The following GRID1 variants were observed in gnomAD, a reference collection of about 807,000 sequenced individuals.
GRID1 encodes the protein glutamate ionotropic receptor delta type subunit 1.
GRID1 carries 28 observed loss-of-function variants against 98.0 expected under a neutral mutation model. That is an observed-to-expected ratio of 0.29 (90% CI 0.21 to 0.39). The LOEUF (loss-of-function observed/expected upper bound fraction) is 0.39, where lower values mean the gene tolerates loss of function less well. Among genes scored for constraint, GRID1 ranks in the 10% least tolerant of loss-of-function variants. The probability of loss-of-function intolerance (pLI) is 1.00; values close to 1 mark genes in which losing one functional copy is unlikely to be tolerated. For missense variants in GRID1, 1,111 were observed against 1,340.5 expected, an observed-to-expected ratio of 0.83 and a Z score of 2.67; for synonymous variants, 553 against 538.5, an observed-to-expected ratio of 1.03 and a Z score of -0.37.
chr10:86,187,740 T>C (rs900371269), intron 3 of GRID1, among the ~76,000 whole-genome samples: 1 of 152,210 alleles, frequency 6.6e-6, no homozygotes, highest in Non-Finnish European at 1.5e-5. Flanking sequence ...CAGAGCTGAT[T>C]TGCACATGGA....
chr10:86,206,128 T>C lies in GRID1; in HGVS notation c.520+236A>G, dbSNP rs918548064. ...TATTTTATTGAAACCTCTAAGATGA[T>C]TCAAACTTCAGCCGTCATGATAAGG... On this transcript the variant is annotated intron_variant, in intron 3 of 15. Coordinates refer to ENST00000327946, the MANE Select transcript of GRID1 (RefSeq NM_017551.3). The surrounding 1 kb of genome is among the most constrained non-coding windows in gnomAD (Gnocchi z 4.1). Among the ~76,000 whole-genome samples, 2 of 152,204 alleles carry C rather than the reference T, an allele frequency of 1.3e-5. No individual in the cohort carries two copies. Among genetic ancestry groups the C allele is most frequent in the African/African-American group, 4.8e-5 (2 of 41,454 alleles).
At chr10:86,065,633 T>G (rs1276267282) in intron 4 of GRID1, among the ~76,000 whole-genome samples, 1 of 152,214 alleles carries the variant, frequency 6.6e-6, no homozygotes, top group Non-Finnish European at 1.5e-5. Context: ...GCCAGGCCCT[T>G]AGTCAGGGCT....
At chr10:86,341,116 G>A (rs1487379424) in intron 2 of GRID1, among the ~76,000 whole-genome samples, 5 of 152,188 alleles carry the variant, frequency 3.3e-5, no homozygotes, top group Middle Eastern at 3.4e-3. Context: ...GGCCTCTGGC[G>A]TTTGCATATG....
intron 3 of GRID1, among the ~76,000 whole-genome samples, chr10:86,150,871 A>G (rs1845158225): frequency 1.3e-5 from 2 of 152,170 alleles, no homozygotes; most frequent in Admixed American, 1.3e-4. Context: ...TGCCCTCACA[A>G]GACGTCAGAT....
intron 4 of GRID1, among the ~76,000 whole-genome samples, chr10:85,950,115 T>C (rs926439580): frequency 1.3e-5 from 2 of 152,196 alleles, no homozygotes; most frequent in African/African-American, 4.8e-5. Flanking sequence ...TGATCTTAAA[T>C]GAACTTAAAT....
At chr10:85,708,403 CA>C (rs61626333) in intron 12 of GRID1, among the ~76,000 whole-genome samples, 10,944 of 110,480 alleles carry the variant, frequency 0.099, 768 homozygotes, top group African/African-American at 0.23. Flanking sequence ...GACTCTGTCT[CA>C]AAAAAAAAAA....
At chr10:86,342,192 G>T (rs1261851742) in intron 2 of GRID1, among the ~76,000 whole-genome samples, 1 of 152,122 alleles carries the variant, frequency 6.6e-6, no homozygotes, top group Non-Finnish European at 1.5e-5. Context: ...TCAGGAGCAG[G>T]GATGAGAGGG....
At chr10:86,313,109 C>A (rs1200042588) in intron 2 of GRID1, among the ~76,000 whole-genome samples, 1 of 152,146 alleles carries the variant, frequency 6.6e-6, no homozygotes, top group African/African-American at 2.4e-5. Flanking sequence ...GGGGGAGGAG[C>A]CTGGGCAAGA....
At chr10:85,786,697 T>C (rs935676374) in intron 8 of GRID1, among the ~76,000 whole-genome samples, 1 of 152,188 alleles carries the variant, frequency 6.6e-6, no homozygotes, top group African/African-American at 2.4e-5. Context: ...ATTATTGTTA[T>C]AGATTACAGT....
At chr10:85,769,499 G>A (rs1842233351) in intron 8 of GRID1, among the ~76,000 whole-genome samples, 1 of 152,206 alleles carries the variant, frequency 6.6e-6, no homozygotes, top group Admixed American at 6.5e-5. Context: ...AGCACACCAT[G>A]TGCGAGCCGA....
At chr10:86,021,523 A>G (rs979026062) in intron 4 of GRID1, among the ~76,000 whole-genome samples, 1 of 151,952 alleles carries the variant, frequency 6.6e-6, no homozygotes, top group Non-Finnish European at 1.5e-5. Context: ...GTTTTTTAAA[A>G]GGACTTCATT....
rs552977829 is a variant in GRID1, at chr10:86,169,230, G to C, written c.521-30206C>G. Among the ~76,000 whole-genome samples, 14 of 152,300 alleles carry C rather than the reference G, an allele frequency of 9.2e-5. No individual in the cohort carries two copies. The South Asian group carries it at 2.1e-3, about 23-fold the overall frequency. On this transcript the variant is annotated intron_variant, in intron 3 of 15. Transcript: ENST00000327946. ...GCCCTGAGATAGATAGGTGCCTTCC[G>C]GCAATGACCTTAGGCCAAACAGATA...
intron 2 of GRID1, among the ~76,000 whole-genome samples, chr10:86,208,278 G>T (rs1024551453): frequency 1.3e-5 from 2 of 152,092 alleles, no homozygotes; most frequent in Admixed American, 6.5e-5. Flanking sequence ...CCACCGGCAG[G>T]GGGTAGCTAA....
chr10:85,709,422 A>C (rs1431123141), intron 12 of GRID1, among the ~76,000 whole-genome samples: 1 of 152,238 alleles, frequency 6.6e-6, no homozygotes, highest in Admixed American at 6.5e-5. Flanking sequence ...GACTAGTTGA[A>C]CCTTTCACTT....
chr10:86,135,643 AG>A (rs1844913499), intron 4 of GRID1, among the ~76,000 whole-genome samples: 1 of 152,136 alleles, frequency 6.6e-6, no homozygotes, highest in South Asian at 2.1e-4. Flanking sequence ...GTCCCCAGGC[AG>A]GCCCCAGCAC....
intron 4 of GRID1, among the ~76,000 whole-genome samples, chr10:86,001,015 T>A (rs28409718): frequency 1.1e-4 from 17 of 152,196 alleles, no homozygotes; most frequent in African/African-American, 4.1e-4. Context: ...TGCAATTTTT[T>A]AAAAAATGAA....
At chr10:86,051,178 A>G (rs938744278) in intron 4 of GRID1, among the ~76,000 whole-genome samples, 1 of 151,732 alleles carries the variant, frequency 6.6e-6, no homozygotes, top group African/African-American at 2.4e-5. Context: ...CAGAAAGATC[A>G]ATGAAACAGA....
In GRID1 at chr10:86,340,388, G is replaced by C. The variant is rs567756363; in HGVS notation, c.235+23553C>G. On this transcript the variant is annotated intron_variant, in intron 2 of 15. Transcript: ENST00000327946. Reference sequence around the variant, plus strand: ...GACACAGGCCTAATGCAGAAAACGTGCACCACGGATCTGACCAGACTGCAG... The same window carrying C: ...GACACAGGCCTAATGCAGAAAACGTCCACCACGGATCTGACCAGACTGCAG... Among the ~76,000 whole-genome samples, 5 of 152,326 alleles carry C rather than the reference G, an allele frequency of 3.3e-5. No individual in the cohort carries two copies. In the South Asian group the frequency reaches 1.0e-3, roughly 32 times the overall value.
intron 2 of GRID1, among the ~76,000 whole-genome samples, chr10:86,327,299 T>C (rs1301747354): frequency 6.6e-6 from 1 of 152,246 alleles, no homozygotes; most frequent in Non-Finnish European, 1.5e-5. Flanking sequence ...AGGGTCTTGC[T>C]GTAACACTGG....
Sources: allele counts gnomAD v4.1 joint callset (sites outside exome capture counted in the v4.1 genomes callset), GRCh38; gene constraint gnomAD v4.1.1; non-coding constraint Gnocchi (gnomAD v3.1); transcripts MANE v1.5; gene names NCBI Gene and HGNC (gene_info 2026-07-23, HGNC 2026-07-21).